The following PHACTR3 variants were observed in gnomAD, a reference collection of about 807,000 sequenced individuals.
PHACTR3 encodes the protein protein phosphatase 1, regulatory subunit 123.
PHACTR3 carries 16 observed loss-of-function variants against 66.8 expected under a neutral mutation model. The observed-to-expected ratio is 0.24, with a 90% CI of 0.16 to 0.36. The LOEUF is 0.36. Ranked by LOEUF, PHACTR3 falls within the 10% of genes least tolerant of loss-of-function variation. PHACTR3 has a pLI of 1.00. For synonymous variants in PHACTR3, 323 were observed against 292.1 expected (o/e 1.11, Z -1.08); for missense variants, 647 against 719.9 (o/e 0.90, Z 1.16).
chr20:59,593,021 C>T (rs1237444572), intron 1 of PHACTR3, among the ~76,000 whole-genome samples: 1 of 152,144 alleles, frequency 6.6e-6, no homozygotes, highest in Admixed American at 6.5e-5. Context: ...CCAAGGAAGG[C>T]AATGTCTGGA....
intron 1 of PHACTR3, among the ~76,000 whole-genome samples, chr20:59,591,275 G>A (rs1412247280): frequency 1.3e-5 from 2 of 152,160 alleles, no homozygotes; most frequent in Admixed American, 6.5e-5. Flanking sequence ...CCTCCAGGCT[G>A]AGCCATCAGA....
intron 2 of PHACTR3, among the ~76,000 whole-genome samples, chr20:59,746,015 T>C (rs890199552): frequency 1.3e-5 from 2 of 152,226 alleles, no homozygotes; most frequent in Non-Finnish European, 2.9e-5. Flanking sequence ...GTTCTTCTTA[T>C]CTGCTTTGTG....
chr20:59,621,569 C>T lies in PHACTR3; in HGVS notation c.118+16437C>T, dbSNP rs576765355. On this transcript the variant is annotated intron_variant, in intron 1 of 12. Coordinates refer to ENST00000371015, the MANE Select transcript of PHACTR3 (RefSeq NM_080672.5). ...GCCTCCTTCCTGTCTTTCTTGCCCT[C>T]GTGGATGGCCCAGAATCCTTTGTAG... 4.8e-4 allele frequency among the ~76,000 whole-genome samples: 73 copies of T among 152,222 alleles called. 2 individuals are homozygous for T. Among genetic ancestry groups the T allele is most frequent in the Non-Finnish European group, 8.5e-4 (58 of 68,042 alleles).
chr20:59,843,683 T>A (rs2059103439), intron 11 of PHACTR3: 1 of 151,944 alleles, frequency 6.6e-6, no homozygotes, highest in African/African-American at 2.4e-5. Flanking sequence ...AAAAATCAAC[T>A]TGAAGAATAA....
chr20:59,845,146 T>A, intron 11 of PHACTR3, 43 bp from the exon 12 acceptor site: 1 of 1,266,646 alleles, frequency 7.9e-7, no homozygotes, highest in Non-Finnish European at 1.1e-6. Flanking sequence ...TTTCCTGATT[T>A]TTTTAATATC....
intron 1 of PHACTR3, among the ~76,000 whole-genome samples, chr20:59,622,030 G>T (rs1475156681): frequency 6.6e-6 from 1 of 152,164 alleles, no homozygotes; most frequent in Admixed American, 6.5e-5. Flanking sequence ...GTCATTGGGA[G>T]AATGAGTCAT....
chr20:59,599,410 TAAG>T (rs2033411572), intron 1 of PHACTR3, among the ~76,000 whole-genome samples: 1 of 152,142 alleles, frequency 6.6e-6, no homozygotes, highest in East Asian at 1.9e-4. Flanking sequence ...GTTGGTAGCA[TAAG>T]AAGACGGCGG....
chr20:59,834,626 C>T (rs2042473700), intron 8 of PHACTR3, among the ~76,000 whole-genome samples: 1 of 152,190 alleles, frequency 6.6e-6, no homozygotes, highest in African/African-American at 2.4e-5. Context: ...AGTGTTTAAG[C>T]CCAGTGTGTG....
At chr20:59,684,582 T>C (rs182504532) in intron 1 of PHACTR3, among the ~76,000 whole-genome samples, 1 of 152,282 alleles carries the variant, frequency 6.6e-6, no homozygotes, top group African/African-American at 2.4e-5. Flanking sequence ...ATAGGAAGCA[T>C]GTAAACAGAC....
intron 7 of PHACTR3, 83 bp from the exon 8 acceptor site, chr20:59,805,958 C>A: frequency 2.8e-6 from 4 of 1,445,060 alleles, no homozygotes; most frequent in Non-Finnish European, 3.8e-6. Context: ...GGCAGGTGGG[C>A]GGCTCCATTG....
At chr20:59,717,635 C>T (rs928008637) in intron 1 of PHACTR3, among the ~76,000 whole-genome samples, 21 of 151,934 alleles carry the variant, frequency 1.4e-4, no homozygotes, top group Admixed American at 9.8e-4. Context: ...AAACCCACCC[C>T]CCAGCCCGTG....
chr20:59,762,613 G>T (rs1026090414), intron 4 of PHACTR3, among the ~76,000 whole-genome samples: 8 of 152,214 alleles, frequency 5.3e-5, no homozygotes, highest in Non-Finnish European at 7.3e-5. Flanking sequence ...ATGTAGTTTG[G>T]ATTGGCTAGC....
chr20:59,674,866 TCTC>T (rs1428563266), intron 1 of PHACTR3, among the ~76,000 whole-genome samples: 5 of 97,814 alleles, frequency 5.1e-5, no homozygotes, highest in Non-Finnish European at 9.6e-5. Context: ...TGTTGCCCCT[TCTC>T]CTGTCCCCCG....
intron 1 of PHACTR3, among the ~76,000 whole-genome samples, chr20:59,659,956 T>C (rs2146473417): frequency 6.6e-6 from 1 of 152,290 alleles, no homozygotes; most frequent in East Asian, 1.9e-4. Context: ...GCATCTGTCC[T>C]GCCCTCAGTA....
chr20:59,714,482 A>C (rs913118363), intron 1 of PHACTR3, among the ~76,000 whole-genome samples: 2 of 152,220 alleles, frequency 1.3e-5, no homozygotes, highest in Non-Finnish European at 2.9e-5. Flanking sequence ...CTTTTCTCAT[A>C]AATCAGTCAG....
At chr20:59,660,877 A>C (rs960392809) in intron 1 of PHACTR3, among the ~76,000 whole-genome samples, 1 of 152,262 alleles carries the variant, frequency 6.6e-6, no homozygotes, top group African/African-American at 2.4e-5. Context: ...TATGAAAAGT[A>C]GAAAGAAGGG....
intron 4 of PHACTR3, among the ~76,000 whole-genome samples, chr20:59,764,672 A>G (rs6015577): frequency 0.056 from 8,471 of 152,244 alleles, 717 homozygotes; most frequent in African/African-American, 0.18. Flanking sequence ...GTCTCCCAAA[A>G]GCAGGACTTT....
chr20:59,784,408 C>T (rs2040836977), intron 7 of PHACTR3, among the ~76,000 whole-genome samples: 1 of 152,056 alleles, frequency 6.6e-6, no homozygotes, highest in African/African-American at 2.4e-5. Flanking sequence ...GTGTCTATCC[C>T]ATTGCTTCTG....
chr20:59,745,056 TG>T (rs1426796997), intron 2 of PHACTR3, among the ~76,000 whole-genome samples: 2 of 152,046 alleles, frequency 1.3e-5, no homozygotes, highest in African/African-American at 2.4e-5. Context: ...GAGCAGGCCC[TG>T]GGGGGTGGAA....
Sources: allele counts gnomAD v4.1 joint callset (sites outside exome capture counted in the v4.1 genomes callset), GRCh38; gene constraint gnomAD v4.1.1; transcripts MANE v1.5; gene names NCBI Gene and HGNC (gene_info 2026-07-23, HGNC 2026-07-21).